NRG3: variants seen among roughly 807,000 people sequenced by gnomAD.
NRG3 encodes pro-neuregulin-3, membrane-bound isoform.
In NRG3, 31 loss-of-function variants were observed where a neutral mutation model predicts 66.9. That is an observed-to-expected ratio of 0.46 (90% CI 0.35 to 0.63). The LOEUF is 0.63. NRG3 is among the 20% of genes least tolerant of loss of function. The pLI is 0.00. For synonymous variants in NRG3, 393 were observed against 359.4 expected (o/e 1.09, Z -1.06); for missense variants, 910 against 878.9 (o/e 1.04, Z -0.45).
intron 2 of NRG3, among the ~76,000 whole-genome samples, chr10:82,731,641 G>A (rs1016933768): frequency 2.6e-5 from 4 of 152,042 alleles, no homozygotes; most frequent in African/African-American, 9.7e-5. Context: ...TTGTGTATAT[G>A]TAGATACCAT....
At chr10:82,165,641 C>T (rs2071980153) in intron 1 of NRG3, among the ~76,000 whole-genome samples, 1 of 151,708 alleles carries the variant, frequency 6.6e-6, no homozygotes, top group African/African-American at 2.4e-5. Context: ...AAATATATTA[C>T]ATACTTGTTT....
chr10:82,536,637 G>C (rs1370997989), intron 2 of NRG3, among the ~76,000 whole-genome samples: 2 of 146,742 alleles, frequency 1.4e-5, no homozygotes, highest in Non-Finnish European at 3.0e-5. Flanking sequence ...AGAGATAACA[G>C]ATTTGTGCTT....
At chr10:82,659,328 TG>T (rs2052129772) in intron 2 of NRG3, among the ~76,000 whole-genome samples, 1 of 152,224 alleles carries the variant, frequency 6.6e-6, no homozygotes, top group Non-Finnish European at 1.5e-5. Flanking sequence ...GTAGTATAGC[TG>T]TCTCTGCAAT....
chr10:82,191,106 AGT>A (rs1385918079), intron 1 of NRG3, among the ~76,000 whole-genome samples: 1 of 152,026 alleles, frequency 6.6e-6, no homozygotes, highest in Non-Finnish European at 1.5e-5. Context: ...AGCTTGTTAG[AGT>A]GGTTAGATTA....
At chr10:81,934,333 G>C (rs182306043) in intron 1 of NRG3, among the ~76,000 whole-genome samples, 25 of 152,294 alleles carry the variant, frequency 1.6e-4, no homozygotes, top group Non-Finnish European at 2.9e-5. Context: ...TTGCAGCATT[G>C]TTCATTAAAC....
intron 2 of NRG3, among the ~76,000 whole-genome samples, chr10:82,676,135 C>G (rs1442786051): frequency 1.3e-5 from 2 of 152,080 alleles, no homozygotes; most frequent in African/African-American, 4.8e-5. Context: ...GACACGAGGC[C>G]AGCCACACTA....
chr10:82,813,953 A>C (rs2135523868), intron 3 of NRG3, among the ~76,000 whole-genome samples: 1 of 152,350 alleles, frequency 6.6e-6, no homozygotes, highest in East Asian at 1.9e-4. Context: ...GTGACTCCTC[A>C]GTCCCAGATT....
At chr10:82,928,011 T>C (rs538639680) in intron 4 of NRG3, among the ~76,000 whole-genome samples, 1 of 152,306 alleles carries the variant, frequency 6.6e-6, no homozygotes, top group Non-Finnish European at 1.5e-5. Context: ...ATCTGTTGTT[T>C]CCTAACTTTT....
chr10:82,493,741 A>C (rs1286745717), intron 2 of NRG3, among the ~76,000 whole-genome samples: 2 of 152,220 alleles, frequency 1.3e-5, no homozygotes, highest in Non-Finnish European at 2.9e-5. Context: ...GCAAAAATTG[A>C]CAAATGGGAT....
chr10:82,840,380 T>C (rs542595790), intron 3 of NRG3, among the ~76,000 whole-genome samples: 1 of 152,100 alleles, frequency 6.6e-6, no homozygotes, highest in Non-Finnish European at 1.5e-5. Flanking sequence ...CCCATAGCAC[T>C]TATCACATTA....
At chr10:82,093,993 A>G (rs943113177) in intron 1 of NRG3, among the ~76,000 whole-genome samples, 24 of 152,226 alleles carry the variant, frequency 1.6e-4, no homozygotes, top group Non-Finnish European at 2.5e-4. Flanking sequence ...CATAGTTAAC[A>G]AAGAGACATT....
chr10:82,143,588 C>G (rs1467772631), intron 1 of NRG3, among the ~76,000 whole-genome samples: 1 of 152,210 alleles, frequency 6.6e-6, no homozygotes, highest in Non-Finnish European at 1.5e-5. Context: ...TTGATCATCT[C>G]TTGCCCATTG....
intron 4 of NRG3, among the ~76,000 whole-genome samples, chr10:82,927,208 G>C (rs1847087603): frequency 6.6e-6 from 1 of 152,100 alleles, no homozygotes; most frequent in Non-Finnish European, 1.5e-5. Flanking sequence ...GGCTTCCATA[G>C]CCTGACAGTC....
intron 2 of NRG3, among the ~76,000 whole-genome samples, chr10:82,443,601 C>T (rs913208011): frequency 1.3e-5 from 2 of 152,180 alleles, no homozygotes; most frequent in African/African-American, 4.8e-5. Context: ...CTAAGTGACA[C>T]AGCTAGGATT....
At chr10:81,968,736 T>C (rs1016758435) in intron 1 of NRG3, among the ~76,000 whole-genome samples, 2 of 152,158 alleles carry the variant, frequency 1.3e-5, no homozygotes, top group African/African-American at 4.8e-5. Flanking sequence ...TAGAAGAGCT[T>C]GGAAAAAGTT....
intron 2 of NRG3, among the ~76,000 whole-genome samples, chr10:82,497,570 T>C (rs929455981): frequency 6.6e-6 from 1 of 152,114 alleles, no homozygotes; most frequent in Non-Finnish European, 1.5e-5. Context: ...AGCTGAATAG[T>C]ACTTTAGTGT....
intron 3 of NRG3, among the ~76,000 whole-genome samples, chr10:82,836,268 A>AATTG: frequency 1.3e-5 from 2 of 152,138 alleles, no homozygotes; most frequent in Non-Finnish European, 2.9e-5. Context: ...TATAAAAAAA[A>AATTG]ATTGATGATC....
At chr10:82,499,304 A>G (rs1376957979) in intron 2 of NRG3, among the ~76,000 whole-genome samples, 1 of 152,178 alleles carries the variant, frequency 6.6e-6, no homozygotes, top group African/African-American at 2.4e-5. Flanking sequence ...GGAAATTGAG[A>G]TAACTAACAA....
chr10:81,933,519 G>A (rs1363730080), intron 1 of NRG3, among the ~76,000 whole-genome samples: 1 of 152,176 alleles, frequency 6.6e-6, no homozygotes, highest in Non-Finnish European at 1.5e-5. Context: ...CCATGTTGGT[G>A]TGTTGCACCC....
Sources: gnomAD v4.1 joint callset for allele counts (sites outside exome capture counted in the v4.1 genomes callset) on GRCh38, gnomAD v4.1.1 for gene constraint, MANE v1.5 for transcripts, NCBI Gene and HGNC (gene_info 2026-07-23, HGNC 2026-07-21) for gene names.